Variants in GIPC3 observed in about 807,000 individuals in gnomAD.
GIPC3 encodes the protein PDZ domain-containing protein GIPC3.
A neutral mutation model predicts 27.3 loss-of-function variants in GIPC3; 16 were observed. The ratio of observed to expected loss-of-function variants is 0.59; its 90% CI spans 0.40 to 0.89. GIPC3 has a LOEUF of 0.89. GIPC3 is among the 40% of genes least tolerant of loss of function. The pLI, the probability that GIPC3 is intolerant of heterozygous loss-of-function variation, is 0.00. For missense variants in GIPC3, 440 were observed against 442.1 expected (o/e 1.00, Z 0.04); for synonymous variants, 194 against 184.6 (o/e 1.05, Z -0.41).
chr19:3,586,453 T>G (rs754362595), intron 1 of GIPC3, 42 bp from the exon 2 acceptor site: 52 of 1,579,974 alleles, frequency 3.3e-5, no homozygotes, highest in Non-Finnish European at 4.3e-5. Flanking sequence ...CGTGGGGGGA[T>G]GCATGCCCTG....
rs569031408 is a variant in GIPC3 at position 3,592,487 on chromosome 19, C to T, written c.*2297C>T. On this transcript the variant is annotated 3_prime_UTR_variant, in exon 6 of 6. Transcript: ENST00000644452. ...CTAGTTCTGGAAACCAGCTCAGCTC[C>T]GGGACCCAGACCACTGCAAGAATTC... 6.4e-5 allele frequency: 79 copies of T among 1,231,926 alleles called. 1 individual carries two copies. The highest frequency in any genetic ancestry group is 5.7e-4 in the East Asian group (18 of 31,700). The allele number at this position is 1,231,926 out of a possible 1,614,324, so 76.3% of individuals were successfully genotyped here.
chr19:3,586,935 GGGAGCTGC>G lies in GIPC3; in HGVS notation c.534_541del (p.Glu179GlnfsTer57), dbSNP rs2032378380. The stretch of plus-strand genomic sequence containing the variant: ...CACTACGAGGTGGCCAAGATGCTCC[GGGAGCTGC>G]CCAAGTCCCAGCCCTTCACCCTGCG... On this transcript the variant is annotated frameshift_variant, in exon 3 of 6. Coordinates refer to ENST00000644452, the MANE Select transcript of GIPC3 (RefSeq NM_133261.3). LOFTEE classifies it high-confidence loss of function. 1 of 1,613,208 alleles carries G rather than the reference GGGAGCTGC, an allele frequency of 6.2e-7. No homozygotes were observed. Among genetic ancestry groups the G allele is most frequent in the African/African-American group, 1.3e-5 (1 of 74,928 alleles).
rs886422883 is a variant in GIPC3, at chr19:3,586,493, A to G, written c.226-2A>G. The G allele has an allele frequency of 5.6e-6, 9 of 1,613,242 alleles. No individual in the cohort carries two copies. Among genetic ancestry groups the G allele is most frequent in the Non-Finnish European group, 7.6e-6 (9 of 1,179,804 alleles). ...ACTCTAGGCTCCTTCTCCCCCGGGA[A>G]GATTTTATTCTGCACCCTCAACAGC... On this transcript the variant is annotated splice_acceptor_variant, in intron 1 of 5. Transcript: ENST00000644452. LOFTEE classifies it high-confidence loss of function.
chr19:3,589,367 C>T (rs2032436995), intron 3 of GIPC3, 76 bp from the exon 4 acceptor site: 5 of 1,038,112 alleles, frequency 4.8e-6, no homozygotes, highest in Non-Finnish European at 7.6e-6. Flanking sequence ...AAAGGCTCGG[C>T]TGTTGGCCTC....
intron 2 of GIPC3, 67 bp downstream of exon 2, chr19:3,586,747 A>T: frequency 6.2e-7 from 1 of 1,610,714 alleles, no homozygotes. Context: ...CTCTGGGTCG[A>T]CGTGGGTTCT....
At position 3,593,429 on chromosome 19, in the gene GIPC3, C is replaced by T. The variant is rs908237026; in HGVS notation, c.*3239C>T. ...TGTGCGGTGGTGAAAACAGGGGCTT[C>T]ACCGGTCCTGGCTCAGATCCAGGTC... is the stretch of plus-strand genomic sequence containing the variant. On this transcript the variant is annotated 3_prime_UTR_variant, in exon 6 of 6. Coordinates refer to ENST00000644452, the MANE Select transcript of GIPC3 (RefSeq NM_133261.3). 7.0e-6 allele frequency: 5 copies of T among 715,204 alleles called. No homozygotes were observed. The highest frequency in any genetic ancestry group is 7.7e-6 in the Non-Finnish European group (4 of 516,554). The allele number at this position is 715,204 out of a possible 1,614,324, so 44.3% of individuals were successfully genotyped here. A position where few individuals can be genotyped will look rare whatever the true frequency, so the allele number is the denominator to read the frequency against.
In GIPC3 at chr19:3,585,689, C is replaced by T. The variant is rs1025287141; in HGVS notation, c.92C>T (p.Pro31Leu). The T allele has an allele frequency of 7.1e-7, 1 of 1,416,316 alleles. No homozygotes were observed. The highest frequency in any genetic ancestry group is 1.5e-5 in the African/African-American group (1 of 67,338). 87.7% of individuals were successfully genotyped at this position (1,416,316 alleles called of 1,614,324 possible). Residue 31 changes from proline to leucine, a missense_variant, in exon 1 of 6, where the codon CCC (proline) becomes CTC (leucine). By Grantham distance (98) the Pro-to-Leu change is moderately conservative. Coordinates refer to ENST00000644452, the MANE Select transcript of GIPC3 (RefSeq NM_133261.3). The stretch of plus-strand genomic sequence containing the variant: ...GCGCCCTCGGAGCCCCCGGCCGCGC[C>T]CCGCGCCCGCCCGCGCCTCGTCTTC... Reference protein sequence around the residue: ...PPAPSEPPAAPRARPRLVFRT... With the variant: ...PPAPSEPPAALRARPRLVFRT...
At chr19:3,585,883 C>A in intron 1 of GIPC3, 61 bp downstream of exon 1, 2 of 1,511,968 alleles carry the variant, frequency 1.3e-6, no homozygotes, top group Non-Finnish European at 1.8e-6. Flanking sequence ...GGGTAGGGAG[C>A]TTGGACCCTG....
At position 3,592,061 on chromosome 19, in the gene GIPC3, C is replaced by G; in HGVS notation, c.*1871C>G. The G allele has an allele frequency of 8.1e-7, 1 of 1,232,156 alleles. No homozygotes were observed. Among genetic ancestry groups the G allele is most frequent in the Non-Finnish European group, 1.0e-6 (1 of 988,108 alleles). The allele number at this position is 1,232,156 out of a possible 1,614,324, so 76.3% of individuals were successfully genotyped here. A position where few individuals can be genotyped will look rare whatever the true frequency, so the allele number is the denominator to read the frequency against. On this transcript the variant is annotated 3_prime_UTR_variant, in exon 6 of 6. Transcript: ENST00000644452. ...CCAAAACACAGACAGCAGCTGAGACCCAGCCAAGTTCCAGAATCCAGCTAA... is the reference window on the plus strand; with the variant it reads ...CCAAAACACAGACAGCAGCTGAGACGCAGCCAAGTTCCAGAATCCAGCTAA...
rs567549760 is a variant in GIPC3 at position 3,592,180 on chromosome 19, C to T, written c.*1990C>T. The T allele has an allele frequency of 4.9e-6, 6 of 1,232,098 alleles. No homozygotes were observed. In the South Asian group the frequency reaches 1.6e-4, roughly 34 times the overall value. 76.3% of individuals were successfully genotyped at this position (1,232,098 alleles called of 1,614,324 possible). A position where few individuals can be genotyped will look rare whatever the true frequency, so the allele number is the denominator to read the frequency against. ...TCTAGTTCCGACAGCAGGTCCAGCT[C>T]CAGGACCCAGCGCTGCCCAGGAGCT... is the stretch of plus-strand genomic sequence containing the variant. On this transcript the variant is annotated 3_prime_UTR_variant, in exon 6 of 6. Coordinates refer to ENST00000644452, the MANE Select transcript of GIPC3 (RefSeq NM_133261.3).
chr19:3,592,877 C>T lies in GIPC3; in HGVS notation c.*2687C>T. On this transcript the variant is annotated 3_prime_UTR_variant, in exon 6 of 6. Coordinates refer to ENST00000644452, the MANE Select transcript of GIPC3 (RefSeq NM_133261.3). ...ATGGAATCTGCCCACAGACCCCTGG[C>T]CTTGACCCTAGAATCCAGCTTGAGG... 8.1e-7 allele frequency: 1 copy of T among 1,232,234 alleles called. No individual in the cohort carries two copies. Among genetic ancestry groups the T allele is most frequent in the Non-Finnish European group, 1.0e-6 (1 of 988,122 alleles). 76.3% of individuals were successfully genotyped at this position (1,232,234 alleles called of 1,614,324 possible).
Position 3,592,468 on chromosome 19 carries a change from C to A in GIPC3, c.*2278C>A, listed in dbSNP as rs2032504105. The A allele has an allele frequency of 2.7e-5, 33 of 1,231,882 alleles. No individual in the cohort carries two copies. The highest frequency in any genetic ancestry group is 3.1e-5 in the Non-Finnish European group (31 of 988,000). The allele number at this position is 1,231,882 out of a possible 1,614,324, so 76.3% of individuals were successfully genotyped here. A position where few individuals can be genotyped will look rare whatever the true frequency, so the allele number is the denominator to read the frequency against. On this transcript the variant is annotated 3_prime_UTR_variant, in exon 6 of 6. Coordinates refer to ENST00000644452, the MANE Select transcript of GIPC3 (RefSeq NM_133261.3). Reference sequence around the variant, plus strand: ...CCCAGCTCCAGAACTCAGACTAGTTCTGGAAACCAGCTCAGCTCCGGGACC... The same window carrying A: ...CCCAGCTCCAGAACTCAGACTAGTTATGGAAACCAGCTCAGCTCCGGGACC...
chr19:3,591,924 A>G lies in GIPC3; in HGVS notation c.*1734A>G. ...GCAGTTTACTTCCAGGACCCAGACC[A>G]ATTTCAAGGCCTGGCCAAGCTCCAG... On this transcript the variant is annotated 3_prime_UTR_variant, in exon 6 of 6. Coordinates refer to ENST00000644452, the MANE Select transcript of GIPC3 (RefSeq NM_133261.3). 3 of 1,232,416 alleles carry G rather than the reference A, an allele frequency of 2.4e-6. No individual in the cohort carries two copies. The highest frequency in any genetic ancestry group is 3.0e-6 in the Non-Finnish European group (3 of 988,296). The allele number at this position is 1,232,416 out of a possible 1,614,324, so 76.3% of individuals were successfully genotyped here.
At position 3,593,049 on chromosome 19, in the gene GIPC3, C is replaced by G; in HGVS notation, c.*2859C>G. 4.9e-6 allele frequency: 6 copies of G among 1,232,426 alleles called. No homozygotes were observed. Among genetic ancestry groups the G allele is most frequent in the Non-Finnish European group, 6.1e-6 (6 of 988,284 alleles). The allele number at this position is 1,232,426 out of a possible 1,614,324, so 76.3% of individuals were successfully genotyped here. A position where few individuals can be genotyped will look rare whatever the true frequency, so the allele number is the denominator to read the frequency against. ...CCTTGGCCCCATCCCAGGCTTACCC[C>G]AAGCCTCCTACCTGGCCCCACAGTC... On this transcript the variant is annotated 3_prime_UTR_variant, in exon 6 of 6. Transcript: ENST00000644452.
At position 3,591,521 on chromosome 19, in the gene GIPC3, C is replaced by T. The variant is rs1330253614; in HGVS notation, c.*1331C>T. ...CCGGAACCCCAGTTAATTTTGGAACCCATGTGAGATTCATGAAGCAGCCCA... is the reference window on the plus strand; with the variant it reads ...CCGGAACCCCAGTTAATTTTGGAACTCATGTGAGATTCATGAAGCAGCCCA... On this transcript the variant is annotated 3_prime_UTR_variant, in exon 6 of 6. Coordinates refer to ENST00000644452, the MANE Select transcript of GIPC3 (RefSeq NM_133261.3). 6.5e-6 allele frequency: 8 copies of T among 1,232,472 alleles called. No homozygotes were observed. The highest frequency in any genetic ancestry group is 8.1e-6 in the Non-Finnish European group (8 of 988,546). The allele number at this position is 1,232,472 out of a possible 1,614,324, so 76.3% of individuals were successfully genotyped here. A position where few individuals can be genotyped will look rare whatever the true frequency, so the allele number is the denominator to read the frequency against.
intron 3 of GIPC3, 91 bp downstream of exon 3, chr19:3,587,085 G>C: frequency 8.2e-7 from 1 of 1,224,778 alleles, no homozygotes; most frequent in South Asian, 1.3e-5. Flanking sequence ...CGGGCTGGAA[G>C]GTTCTAGGTG....
At position 3,585,660 on chromosome 19, in the gene GIPC3, G is replaced by T; in HGVS notation, c.63G>T (p.Pro21=). 1 of 1,236,080 alleles carries T rather than the reference G, an allele frequency of 8.1e-7. No homozygotes were observed. Among genetic ancestry groups the T allele is most frequent in the Non-Finnish European group, 1.0e-6 (1 of 992,070 alleles). The allele number at this position is 1,236,080 out of a possible 1,614,324, so 76.6% of individuals were successfully genotyped here. ...GTETPRASAP[P]PAPSEPPAAP... is the part of the protein sequence containing the mutation. Reference sequence around the variant, plus strand: ...AGACCCCGCGCGCGTCTGCGCCCCCGCCCGCGCCCTCGGAGCCCCCGGCCG... The same window carrying T: ...AGACCCCGCGCGCGTCTGCGCCCCCTCCCGCGCCCTCGGAGCCCCCGGCCG... Residue 21 remains proline (P), a synonymous_variant, in exon 1 of 6, where the codon CCG becomes CCT. Transcript: ENST00000644452.
At chr19:3,587,428 C>T (rs1366521631) in intron 3 of GIPC3, among the ~76,000 whole-genome samples, 1 of 151,812 alleles carries the variant, frequency 6.6e-6, no homozygotes, top group African/African-American at 2.4e-5. Flanking sequence ...ACTACAGGCA[C>T]CCACCATTGC....
chr19:3,587,085 G>A lies in GIPC3; in HGVS notation c.592+91G>A, dbSNP rs886562559. The stretch of plus-strand genomic sequence containing the variant: ...GGGTCGGGGATGGGACGGGCTGGAA[G>A]GTTCTAGGTGCACCCGCTGCGTGCC... On this transcript the variant is annotated intron_variant, in intron 3 of 5. Transcript: ENST00000644452. The A allele has an allele frequency of 2.9e-5, 36 of 1,224,658 alleles. 2 individuals are homozygous for A. The South Asian group carries it at 4.1e-4, about 14-fold the overall frequency. The allele number at this position is 1,224,658 out of a possible 1,614,324, so 75.9% of individuals were successfully genotyped here.
Sources: allele counts gnomAD v4.1 joint callset (sites outside exome capture counted in the v4.1 genomes callset), GRCh38; gene constraint gnomAD v4.1.1; transcripts MANE v1.5; gene names NCBI Gene and HGNC (gene_info 2026-07-23, HGNC 2026-07-21).